CACNA1B: variants seen among roughly 807,000 people sequenced by gnomAD.
CACNA1B encodes calcium voltage-gated channel subunit alpha1 B.
In CACNA1B, 70 loss-of-function variants were observed where a neutral mutation model predicts 247.2. The observed-to-expected ratio is 0.28, with a 90% CI of 0.23 to 0.35. The LOEUF (loss-of-function observed/expected upper bound fraction) is 0.35. CACNA1B is among the 10% of genes least tolerant of loss of function. The pLI is 1.00. For missense variants in CACNA1B, 2,367 were observed against 3,197.4 expected, an observed-to-expected ratio of 0.74 and a Z score of 6.26; for synonymous variants, 1,231 against 1,294.4, an observed-to-expected ratio of 0.95 and a Z score of 1.05.
chr9:137,930,096 C>T (rs1398016304), intron 6 of CACNA1B, among the ~76,000 whole-genome samples: 1 of 152,174 alleles, frequency 6.6e-6, no homozygotes, highest in Admixed American at 6.5e-5. Context: ...CGCATGCAGC[C>T]ATTGTTGAGC....
In CACNA1B at chr9:138,121,457, AT is replaced by A; in HGVS notation, c.6490-8del. ...TTTTACCTCTGATTTGTTCTGGTCC[AT>A]TTTCATGTAGGGCAGTGGTTCCGTG... is the stretch of plus-strand genomic sequence containing the variant. On this transcript the variant is annotated splice_polypyrimidine_tract_variant and intron_variant, in intron 46 of 46. Transcript: ENST00000371372. The surrounding 1 kb of genome is among the most constrained non-coding windows in gnomAD (Gnocchi z 6.8). 1.5e-6 allele frequency: 2 copies of A among 1,376,598 alleles called. No homozygotes were observed. Among genetic ancestry groups the A allele is most frequent in the Non-Finnish European group, 1.9e-6 (2 of 1,046,032 alleles). The allele number at this position is 1,376,598 out of a possible 1,614,324, so 85.3% of individuals were successfully genotyped here.
At chr9:137,884,966 CCCTCCT>C (rs1554919681) in intron 3 of CACNA1B, among the ~76,000 whole-genome samples, 3 of 107,726 alleles carry the variant, frequency 2.8e-5, no homozygotes, top group Admixed American at 9.0e-5. Flanking sequence ...TTCCCCCCCC[CCCTCCT>C]CCCACTTTGC....
chr9:138,111,490 T>C (rs1589134107), intron 39 of CACNA1B, among the ~76,000 whole-genome samples: 1 of 152,076 alleles, frequency 6.6e-6, no homozygotes, highest in South Asian at 2.1e-4. Context: ...AGGCTGCCAG[T>C]AGGACGAGGG....
At position 137,888,130 on chromosome 9, in the gene CACNA1B, G is replaced by A. The variant is rs1957042777; in HGVS notation, c.530+5247G>A. ...TAGGGAAGGAGAGTGGGAGCCGGAA[G>A]CAGTGATCCAGGTGGGAGTGGTGAG... On this transcript the variant is annotated intron_variant, in intron 3 of 46. Coordinates refer to ENST00000371372, the MANE Select transcript of CACNA1B (RefSeq NM_000718.4). The surrounding 1 kb of genome is among the most constrained non-coding windows in gnomAD (Gnocchi z 4.7). 6.6e-6 allele frequency among the ~76,000 whole-genome samples: 1 copy of A among 151,978 alleles called. No individual in the cohort carries two copies. Among genetic ancestry groups the A allele is most frequent in the Admixed American group, 6.5e-5 (1 of 15,278 alleles).
intron 20 of CACNA1B, among the ~76,000 whole-genome samples, chr9:138,042,638 G>T (rs1470950386): frequency 6.6e-6 from 1 of 152,170 alleles, no homozygotes; most frequent in African/African-American, 2.4e-5. Context: ...AAGTTTGATG[G>T]TGCCCATTTC....
chr9:137,966,739 C>T (rs1285197777), intron 10 of CACNA1B, among the ~76,000 whole-genome samples: 3 of 151,830 alleles, frequency 2.0e-5, no homozygotes, highest in Non-Finnish European at 2.9e-5. Context: ...GGAGTTTCAC[C>T]ATGTTAGCCA....
chr9:137,904,839 T>A (rs898359484), intron 3 of CACNA1B, among the ~76,000 whole-genome samples: 1 of 152,190 alleles, frequency 6.6e-6, no homozygotes, highest in Admixed American at 6.5e-5. Context: ...CCTATTCATG[T>A]CCTACTATGT....
intron 10 of CACNA1B, among the ~76,000 whole-genome samples, chr9:137,966,683 CACGT>C (rs1958080948): frequency 6.6e-6 from 1 of 151,932 alleles, no homozygotes; most frequent in Non-Finnish European, 1.5e-5. Context: ...GGACTACAGG[CACGT>C]GCCACCACGC....
intron 3 of CACNA1B, chr9:137,890,351 G>A (rs553015936): frequency 1.5e-4 from 22 of 149,416 alleles, no homozygotes; most frequent in African/African-American, 5.1e-4. Context: ...GGGGACATGG[G>A]TGGGAGATAA....
Position 138,101,569 on chromosome 9 carries a change from C to T in CACNA1B, c.5223-1142C>T, listed in dbSNP as rs745446079. 3.9e-5 allele frequency among the ~76,000 whole-genome samples: 6 copies of T among 152,242 alleles called. No homozygotes were observed. The East Asian group carries it at 5.8e-4, about 15-fold the overall frequency. On this transcript the variant is annotated intron_variant, in intron 37 of 46. Coordinates refer to ENST00000371372, the MANE Select transcript of CACNA1B (RefSeq NM_000718.4). ...CCGAGGGCCCCAGAGGAAGGGAGCA[C>T]GGGCACAGGCCTCCCAGGAGCAGCC...
intron 36 of CACNA1B, among the ~76,000 whole-genome samples, chr9:138,081,117 G>A (rs534310042): frequency 1.3e-5 from 2 of 152,234 alleles, no homozygotes; most frequent in African/African-American, 2.4e-5. Flanking sequence ...GCACACCTGT[G>A]GGCACAAAGC....
chr9:137,934,103 A>G (rs1957637497), intron 6 of CACNA1B, among the ~76,000 whole-genome samples: 2 of 152,262 alleles, frequency 1.3e-5, no homozygotes. Flanking sequence ...TAAGTATGCA[A>G]CAAAGACACC....
At chr9:137,963,185 A>G (rs1337628776) in intron 10 of CACNA1B, among the ~76,000 whole-genome samples, 2 of 152,176 alleles carry the variant, frequency 1.3e-5, no homozygotes, top group African/African-American at 4.8e-5. Flanking sequence ...CTGTTTTGTC[A>G]GAAACTAGGA....
intron 43 of CACNA1B, 44 bp from the exon 44 acceptor site, chr9:138,118,608 G>T (rs201245691): frequency 1.1e-4 from 103 of 971,924 alleles, no homozygotes; most frequent in Non-Finnish European, 1.5e-4. Flanking sequence ...AGATGAGTCC[G>T]CGGTGCCTTG....
chr9:138,119,405 A>G (rs1394196788), intron 44 of CACNA1B, among the ~76,000 whole-genome samples: 5 of 151,952 alleles, frequency 3.3e-5, no homozygotes, highest in African/African-American at 1.2e-4. Context: ...GAGGCCTCGG[A>G]GGAGCTGCAG....
intron 6 of CACNA1B, among the ~76,000 whole-genome samples, chr9:137,946,673 T>G (rs1391866456): frequency 2.0e-5 from 3 of 151,982 alleles, no homozygotes; most frequent in Non-Finnish European, 4.4e-5. Context: ...TGCTTCCATA[T>G]GGATACCTTT....
At chr9:137,905,058 T>C (rs1957282283) in intron 3 of CACNA1B, among the ~76,000 whole-genome samples, 1 of 152,152 alleles carries the variant, frequency 6.6e-6, no homozygotes, top group Admixed American at 6.5e-5. Context: ...CGTTGGGTTT[T>C]TAAAAGCTTT....
In CACNA1B at chr9:138,102,665, G is replaced by A. The variant is rs1259174848; in HGVS notation, c.5223-46G>A. 3.3e-6 allele frequency: 4 copies of A among 1,200,356 alleles called. No individual in the cohort carries two copies. Among genetic ancestry groups the A allele is most frequent in the East Asian group, 4.9e-5 (2 of 40,596 alleles). 74.4% of individuals were successfully genotyped at this position (1,200,356 alleles called of 1,614,324 possible). A position where few individuals can be genotyped will look rare whatever the true frequency, so the allele number is the denominator to read the frequency against. On this transcript the variant is annotated intron_variant, in intron 37 of 46. Transcript: ENST00000371372. The surrounding 1 kb of genome is among the most constrained non-coding windows in gnomAD (Gnocchi z 5.4). ...CTCCCCTCCTGCTGCCGCTCCTCCT[G>A]TGGACCACCCCACTGTGCCCTGGCC...
At chr9:137,946,790 C>G (rs1004165295) in intron 6 of CACNA1B, among the ~76,000 whole-genome samples, 1 of 152,084 alleles carries the variant, frequency 6.6e-6, no homozygotes. Flanking sequence ...AAATGCTTCC[C>G]CTGTATGGAG....
Sources: allele counts gnomAD v4.1 joint callset (sites outside exome capture counted in the v4.1 genomes callset), GRCh38; gene constraint gnomAD v4.1.1; non-coding constraint Gnocchi (gnomAD v3.1); transcripts MANE v1.5; gene names NCBI Gene and HGNC (gene_info 2026-07-23, HGNC 2026-07-21).